The following SGSM3 variants were observed in gnomAD, a reference collection of about 807,000 sequenced individuals.
SGSM3 encodes the protein RUN and SH3 containing 3.
Under a neutral mutation model 100.5 loss-of-function variants are expected in SGSM3, and 96 were observed. The observed-to-expected ratio is 0.96, with a 90% CI of 0.81 to 1.13. The LOEUF (loss-of-function observed/expected upper bound fraction) is 1.13. Among genes scored for constraint, SGSM3 ranks in the 50% most tolerant of loss-of-function variants. The pLI, the probability that SGSM3 is intolerant of heterozygous loss-of-function variation, is 0.00. For synonymous variants in SGSM3, 483 were observed against 422.8 expected, an observed-to-expected ratio of 1.14 and a Z score of -1.75; for missense variants, 1,001 against 1,015.8, an observed-to-expected ratio of 0.99 and a Z score of 0.20.
intron 1 of SGSM3, among the ~76,000 whole-genome samples, chr22:40,400,006 A>G (rs1459001179): frequency 2.0e-5 from 3 of 152,060 alleles, no homozygotes; most frequent in Non-Finnish European, 2.9e-5. Flanking sequence ...GAGAACTGGG[A>G]TTTTCTCACA....
intron 1 of SGSM3, among the ~76,000 whole-genome samples, chr22:40,374,207 C>T (rs1230642948): frequency 6.6e-6 from 1 of 152,126 alleles, no homozygotes; most frequent in Non-Finnish European, 1.5e-5. Context: ...CTGCCTCGGC[C>T]TCCCAAAGTG....
At chr22:40,387,831 T>C (rs1232015362) in intron 1 of SGSM3, among the ~76,000 whole-genome samples, 1 of 152,160 alleles carries the variant, frequency 6.6e-6, no homozygotes, top group Admixed American at 6.5e-5. Flanking sequence ...TTATTTGATA[T>C]GAGGAACTAG....
intron 1 of SGSM3, among the ~76,000 whole-genome samples, chr22:40,393,398 C>T (rs1012540895): frequency 6.6e-6 from 1 of 152,370 alleles, no homozygotes; most frequent in African/African-American, 2.4e-5. Flanking sequence ...GGATTATAGG[C>T]GTGAGCCACT....
At chr22:40,380,435 C>T (rs904313938) in intron 1 of SGSM3, among the ~76,000 whole-genome samples, 1 of 149,484 alleles carries the variant, frequency 6.7e-6, no homozygotes, top group Non-Finnish European at 1.5e-5. Context: ...GGCACTATCT[C>T]AGCTCACTGT....
Position 40,409,736 on chromosome 22 carries a change from T to G in SGSM3, c.2227T>G (p.Phe743Val), listed in dbSNP as rs745713259. The G allele has an allele frequency of 1.9e-6, 3 of 1,610,890 alleles. No homozygotes were observed. In the Admixed American group the frequency reaches 5.0e-5, roughly 27 times the overall value. ...GGACATGCTGGTGAAGCACCACCTC[T>G]TCAGCTGGGATGTGGACGGGTGACC... is the stretch of plus-strand genomic sequence containing the variant. ...VRDMLVKHHL[F>V]SWDVDG The change falls in exon 22 of 22, where the codon TTC (phenylalanine) becomes GTC (valine). Residue 743 changes from phenylalanine to valine, a missense_variant. Transcript: ENST00000248929.
In SGSM3 at chr22:40,405,855, C is replaced by G. The variant is rs2051413111; in HGVS notation, c.814+11C>G. On this transcript the variant is annotated intron_variant, in intron 8 of 21. Transcript: ENST00000248929. ...AGGAGCATGACATTGGTAAGGCGCC[C>G]CTGAGCCACTGGCTCCCATTCTGCA... The G allele has an allele frequency of 6.2e-7, 1 of 1,601,384 alleles. No homozygotes were observed. The highest frequency in any genetic ancestry group is 8.5e-7 in the Non-Finnish European group (1 of 1,171,812).
At chr22:40,387,080 A>T in intron 1 of SGSM3, 1 of 394,980 alleles carries the variant, frequency 2.5e-6, no homozygotes. Context: ...TGATAACTAG[A>T]GTTGTGCTAG....
intron 1 of SGSM3, among the ~76,000 whole-genome samples, chr22:40,392,154 C>A (rs1019095955): frequency 6.6e-6 from 1 of 151,806 alleles, no homozygotes; most frequent in Non-Finnish European, 1.5e-5. Context: ...GATTTTATTT[C>A]GCCTTAAAAA....
intron 10 of SGSM3, 39 bp from the exon 11 acceptor site, chr22:40,406,978 C>G (rs572888135): frequency 6.5e-7 from 1 of 1,550,366 alleles, no homozygotes; most frequent in Non-Finnish European, 8.7e-7. Flanking sequence ...CTCTTCCTCC[C>G]GGGGCCAGGA....
chr22:40,381,758 T>A (rs2047614455), intron 1 of SGSM3, among the ~76,000 whole-genome samples: 1 of 152,130 alleles, frequency 6.6e-6, no homozygotes, highest in Admixed American at 6.6e-5. Flanking sequence ...AGTTCAAGAC[T>A]GGCCTGAGCA....
At position 40,405,685 on chromosome 22, in the gene SGSM3, G is replaced by A. The variant is rs547805871; in HGVS notation, c.655G>A (p.Asp219Asn). 1 of 1,613,712 alleles carries A rather than the reference G, an allele frequency of 6.2e-7. No individual in the cohort carries two copies. The highest frequency in any genetic ancestry group is 1.1e-5 in the South Asian group (1 of 91,060). ...CCTCCTGCTGTTCCTGGAGGAGGAG[G>A]ACGCCTTCTGGATGATGTCTGCCAT... ...ACLLLFLEEE[D>N]AFWMMSAIIE... Residue 219 changes from aspartate to asparagine, a missense_variant, in exon 8 of 22, where the codon GAC (aspartate) becomes AAC (asparagine). Transcript: ENST00000248929.
chr22:40,399,521 TG>T (rs1179362189), intron 1 of SGSM3, among the ~76,000 whole-genome samples: 1 of 152,236 alleles, frequency 6.6e-6, no homozygotes, highest in African/African-American at 2.4e-5. Flanking sequence ...GGAGTCCATT[TG>T]GAAACTATCA....
chr22:40,409,777 C>G lies in SGSM3; in HGVS notation c.*18C>G. Reference sequence around the variant, plus strand: ...ACGGGTGACCCCCTCCTCCCCAGCCCAACCTCGGGCCTGCGTCTGAGGTGG... The same window carrying G: ...ACGGGTGACCCCCTCCTCCCCAGCCGAACCTCGGGCCTGCGTCTGAGGTGG... On this transcript the variant is annotated 3_prime_UTR_variant, in exon 22 of 22. Transcript: ENST00000248929. 1 of 1,601,514 alleles carries G rather than the reference C, an allele frequency of 6.2e-7. No homozygotes were observed. Among genetic ancestry groups the G allele is most frequent in the Admixed American group, 1.7e-5 (1 of 59,588 alleles).
chr22:40,404,188 G>T, intron 4 of SGSM3, 59 bp from the exon 5 acceptor site: 1 of 1,406,156 alleles, frequency 7.1e-7, no homozygotes, highest in Non-Finnish European at 9.5e-7. Context: ...AGGCTTGGCT[G>T]CTTGGAGAAC....
chr22:40,392,233 A>G (rs945281103), intron 1 of SGSM3, among the ~76,000 whole-genome samples: 7 of 151,374 alleles, frequency 4.6e-5, no homozygotes, highest in African/African-American at 1.7e-4. Context: ...TTTTCCAGTG[A>G]TTATTCCAGT....
At chr22:40,373,819 T>C (rs189619559) in intron 1 of SGSM3, among the ~76,000 whole-genome samples, 23 of 152,316 alleles carry the variant, frequency 1.5e-4, no homozygotes, top group African/African-American at 5.5e-4. Flanking sequence ...TTTCACCATG[T>C]TGGCCAGGAT....
At chr22:40,374,098 G>A (rs920560195) in intron 1 of SGSM3, among the ~76,000 whole-genome samples, 2 of 151,848 alleles carry the variant, frequency 1.3e-5, no homozygotes, top group Middle Eastern at 3.2e-3. Flanking sequence ...GACTACAGGC[G>A]CCTGCCACCA....
chr22:40,408,586 T>A (rs1184049973), intron 16 of SGSM3, 41 bp from the exon 17 acceptor site: 1 of 1,611,118 alleles, frequency 6.2e-7, no homozygotes, highest in African/African-American at 1.3e-5. Context: ...TGAACCAGCA[T>A]CTTCCTGTCC....
At chr22:40,371,377 G>A (rs1053604594) in intron 1 of SGSM3, among the ~76,000 whole-genome samples, 2 of 152,238 alleles carry the variant, frequency 1.3e-5, no homozygotes, top group African/African-American at 4.8e-5. Context: ...GTCTCACGCT[G>A]CACGTTTGTG....
Sources: gnomAD v4.1 joint callset for allele counts (sites outside exome capture counted in the v4.1 genomes callset) on GRCh38, gnomAD v4.1.1 for gene constraint, MANE v1.5 for transcripts, NCBI Gene and HGNC (gene_info 2026-07-23, HGNC 2026-07-21) for gene names.